MYH11: variants seen among roughly 807,000 people sequenced by gnomAD.
MYH11 encodes the protein myosin-11.
MYH11 carries 80 observed loss-of-function variants against 246.6 expected under a neutral mutation model. The ratio of observed to expected loss-of-function variants is 0.32; its 90% CI spans 0.27 to 0.39. The LOEUF is 0.39. Ranked by LOEUF, MYH11 falls within the 10% of genes least tolerant of loss-of-function variation. The pLI is 1.00. For missense variants in MYH11, 2,158 were observed against 2,546.8 expected (o/e 0.85, Z 3.29); for synonymous variants, 1,071 against 1,015.5 (o/e 1.05, Z -1.04).
At chr16:15,728,980 C>G (rs1231940574) in intron 27 of MYH11, among the ~76,000 whole-genome samples, 3 of 151,998 alleles carry the variant, frequency 2.0e-5, no homozygotes, top group Admixed American at 6.6e-5. Flanking sequence ...AAGAGAAGCG[C>G]AAGTATCCCG....
intron 40 of MYH11, chr16:15,713,965 C>G (rs948414500): frequency 2.0e-5 from 3 of 152,312 alleles, no homozygotes; most frequent in African/African-American, 7.2e-5. Flanking sequence ...AAGGTGGCAC[C>G]AGGCAGACAA....
chr16:15,715,333 T>G, intron 38 of MYH11, 61 bp from the exon 39 acceptor site: 1 of 1,550,362 alleles, frequency 6.5e-7, no homozygotes, highest in African/African-American at 1.4e-5. Flanking sequence ...GTAGCTGGTG[T>G]GTCACCTGGA....
At chr16:15,709,332 G>GT (rs1285266233) in intron 40 of MYH11, among the ~76,000 whole-genome samples, 1 of 150,782 alleles carries the variant, frequency 6.6e-6, no homozygotes, top group Non-Finnish European at 1.5e-5. Flanking sequence ...AGGATAAGCA[G>GT]TTTTTTGATA....
In MYH11 at chr16:15,703,588, GGGTGGTGGT is replaced by G. The variant is rs1223573737; in HGVS notation, c.*394_*402del. On this transcript the variant is annotated 3_prime_UTR_variant, in exon 41 of 41. Coordinates refer to ENST00000300036, the MANE Select transcript of MYH11 (RefSeq NM_002474.3). ...TTTACCTTGAATACAGGGGTAGTAG[GGGTGGTGGT>G]GGTGGTGGTGGTTGAGACAGGGTCT... 5 of 370,044 alleles carry G rather than the reference GGGTGGTGGT, an allele frequency of 1.4e-5. No individual in the cohort carries two copies. The highest frequency in any genetic ancestry group is 8.1e-5 in the African/African-American group (4 of 49,376). The allele number at this position is 370,044 out of a possible 1,614,324, so 22.9% of individuals were successfully genotyped here. A position where few individuals can be genotyped will look rare whatever the true frequency, so the allele number is the denominator to read the frequency against.
intron 3 of MYH11, among the ~76,000 whole-genome samples, chr16:15,800,772 C>G (rs984943351): frequency 6.6e-6 from 1 of 151,978 alleles, no homozygotes; most frequent in South Asian, 2.1e-4. Context: ...ATGCCCAACT[C>G]CAATCAGTTC....
rs1372957725 is a variant in MYH11, at chr16:15,737,375, TGCGAATGA to T, written c.3293+66_3293+73del. 31 of 1,592,976 alleles carry T rather than the reference TGCGAATGA, an allele frequency of 1.9e-5. No individual in the cohort carries two copies. In the African/African-American group the frequency reaches 2.4e-4, roughly 12 times the overall value. On this transcript the variant is annotated intron_variant, in intron 25 of 40. Coordinates refer to ENST00000300036, the MANE Select transcript of MYH11 (RefSeq NM_002474.3). Reference sequence around the variant, plus strand: ...GGGCCGCCTTGACCAAGACAGCCACTGCGAATGAGCGAATGAGCAGGGGCCCAGGGGAT... The same window carrying T: ...GGGCCGCCTTGACCAAGACAGCCACTGCGAATGAGCAGGGGCCCAGGGGAT...
intron 9 of MYH11, 112 bp from the exon 10 acceptor site, chr16:15,764,003 G>A (rs1285791351): frequency 6.2e-6 from 5 of 804,280 alleles, no homozygotes; most frequent in Non-Finnish European, 1.1e-5. Context: ...TCTTTCCTCT[G>A]AAGAAACTAG....
At chr16:15,776,757 G>A (rs2042229880) in intron 7 of MYH11, among the ~76,000 whole-genome samples, 1 of 152,206 alleles carries the variant, frequency 6.6e-6, no homozygotes, top group Admixed American at 6.5e-5. Flanking sequence ...CGGGATGGAG[G>A]CGAGAGAGAC....
At chr16:15,726,728 A>C in intron 28 of MYH11, 120 bp downstream of exon 28, 3 of 1,178,458 alleles carry the variant, frequency 2.5e-6, no homozygotes, top group Admixed American at 1.9e-5. Context: ...CAGGAACGCA[A>C]CTAGAGGAAA....
chr16:15,841,594 A>G (rs781616029), intron 1 of MYH11, among the ~76,000 whole-genome samples: 24 of 152,230 alleles, frequency 1.6e-4, no homozygotes, highest in Admixed American at 6.5e-5. Context: ...TCCTGTCTAC[A>G]TGGGAAGCCC....
Position 15,709,439 on chromosome 16 carries a change from C to T in MYH11, c.5787-5316G>A, listed in dbSNP as rs985410252. Among the ~76,000 whole-genome samples, 5 of 152,056 alleles carry T rather than the reference C, an allele frequency of 3.3e-5. No individual in the cohort carries two copies. In the East Asian group the frequency reaches 7.7e-4, roughly 23 times the overall value. ...AAGCGATTCTCCTGCCTCAGCCTCC[C>T]GAGTAGCTGGGATTACAGGCATGCA... is the stretch of plus-strand genomic sequence containing the variant. On this transcript the variant is annotated intron_variant, in intron 40 of 40. Coordinates refer to ENST00000300036, the MANE Select transcript of MYH11 (RefSeq NM_002474.3).
At chr16:15,730,807 G>C (rs1166808960) in intron 27 of MYH11, among the ~76,000 whole-genome samples, 1 of 152,110 alleles carries the variant, frequency 6.6e-6, no homozygotes, top group Admixed American at 6.5e-5. Context: ...TGAAGCACAG[G>C]CACTACCCCA....
In MYH11 at chr16:15,750,011, T is replaced by A. The variant is rs772702794; in HGVS notation, c.2058+127A>T. On this transcript the variant is annotated intron_variant, in intron 16 of 40. Coordinates refer to ENST00000300036, the MANE Select transcript of MYH11 (RefSeq NM_002474.3). The surrounding 1 kb of genome is among the most constrained non-coding windows in gnomAD (Gnocchi z 4.3). Reference sequence around the variant, plus strand: ...ATGGGGAATGGGTCTGAGATTCAGATAGCCTTCCCCACATGGAAAATGGGG... The same window carrying A: ...ATGGGGAATGGGTCTGAGATTCAGAAAGCCTTCCCCACATGGAAAATGGGG... The A allele has an allele frequency of 8.7e-7, 1 of 1,153,742 alleles. No individual in the cohort carries two copies. The highest frequency in any genetic ancestry group is 1.4e-5 in the South Asian group (1 of 71,706). The allele number at this position is 1,153,742 out of a possible 1,614,324, so 71.5% of individuals were successfully genotyped here. A position where few individuals can be genotyped will look rare whatever the true frequency, so the allele number is the denominator to read the frequency against.
intron 3 of MYH11, among the ~76,000 whole-genome samples, chr16:15,811,506 C>G (rs1289689101): frequency 1.2e-4 from 19 of 152,178 alleles, no homozygotes; most frequent in Non-Finnish European, 2.9e-5. Context: ...TGCCACCCAC[C>G]CTGTGTGGTG....
At chr16:15,834,749 T>C (rs9939351) in intron 2 of MYH11, among the ~76,000 whole-genome samples, 3,926 of 152,096 alleles carry the variant, frequency 0.026, 167 homozygotes, top group African/African-American at 0.089. Context: ...AATGTGTCAA[T>C]GTACAGCACT....
intron 3 of MYH11, among the ~76,000 whole-genome samples, chr16:15,799,940 G>C (rs189949606): frequency 1.2e-4 from 18 of 152,044 alleles, no homozygotes; most frequent in Non-Finnish European, 4.4e-5. Flanking sequence ...AGATGGATGG[G>C]AAGATGAGTG....
chr16:15,834,574 C>A (rs2043840650), intron 2 of MYH11, among the ~76,000 whole-genome samples: 2 of 150,936 alleles, frequency 1.3e-5, no homozygotes, highest in South Asian at 4.2e-4. Flanking sequence ...GTCCACCATA[C>A]AAACAGCCCC....
intron 40 of MYH11, among the ~76,000 whole-genome samples, chr16:15,710,063 C>T (rs1596679122): frequency 1.3e-5 from 2 of 152,208 alleles, no homozygotes; most frequent in African/African-American, 4.8e-5. Flanking sequence ...TGTTTTTGTG[C>T]ACCCAAAAGA....
At chr16:15,707,220 A>G (rs886558919) in intron 40 of MYH11, among the ~76,000 whole-genome samples, 13 of 152,070 alleles carry the variant, frequency 8.5e-5, no homozygotes, top group African/African-American at 3.1e-4. Flanking sequence ...TATTTTTAGG[A>G]GAGACGGGGT....
Sources: allele counts gnomAD v4.1 joint callset (sites outside exome capture counted in the v4.1 genomes callset), GRCh38; gene constraint gnomAD v4.1.1; non-coding constraint Gnocchi (gnomAD v3.1); transcripts MANE v1.5; gene names NCBI Gene and HGNC (gene_info 2026-07-23, HGNC 2026-07-21).